CAMK1D: variants seen among roughly 807,000 people sequenced by gnomAD.
CAMK1D encodes the protein calcium/calmodulin-dependent protein kinase type 1D.
Under a neutral mutation model 47.7 loss-of-function variants are expected in CAMK1D, and 9 were observed. The ratio of observed to expected loss-of-function variants is 0.19; its 90% CI spans 0.11 to 0.33. The LOEUF (loss-of-function observed/expected upper bound fraction) is 0.33. CAMK1D is among the 10% of genes least tolerant of loss of function. CAMK1D has a pLI of 1.00. For missense variants in CAMK1D, 291 were observed against 488.7 expected (o/e 0.60, Z 3.81); for synonymous variants, 184 against 184.9 (o/e 0.99, Z 0.04).
intron 1 of CAMK1D, among the ~76,000 whole-genome samples, chr10:12,424,281 T>C (rs1169371769): frequency 6.6e-6 from 1 of 152,068 alleles, no homozygotes; most frequent in African/African-American, 2.4e-5. Flanking sequence ...CCACCAAGTC[T>C]CTAGCTCCGT....
chr10:12,650,600 CAT>C (rs912549287), intron 2 of CAMK1D, among the ~76,000 whole-genome samples: 40 of 152,258 alleles, frequency 2.6e-4, no homozygotes, highest in African/African-American at 8.9e-4. Context: ...CAGGGTCCCT[CAT>C]GTGCAGTGGA....
At chr10:12,771,707 C>T (rs1837047289) in intron 5 of CAMK1D, among the ~76,000 whole-genome samples, 1 of 152,182 alleles carries the variant, frequency 6.6e-6, no homozygotes, top group African/African-American at 2.4e-5. Flanking sequence ...GCAGAAGGCA[C>T]AGAAGAAGAG....
intron 5 of CAMK1D, among the ~76,000 whole-genome samples, chr10:12,770,990 C>T (rs767675907): frequency 2.0e-5 from 3 of 151,934 alleles, no homozygotes; most frequent in Admixed American, 6.6e-5. Flanking sequence ...AGTGCAGTGG[C>T]GCAATCCCGA....
intron 3 of CAMK1D, among the ~76,000 whole-genome samples, chr10:12,735,063 T>A (rs1394382927): frequency 1.3e-5 from 2 of 152,240 alleles, no homozygotes; most frequent in African/African-American, 4.8e-5. Context: ...GTAATAATAA[T>A]GGCTAGCCTT....
intron 4 of CAMK1D, among the ~76,000 whole-genome samples, chr10:12,764,979 C>T (rs1280553629): frequency 6.6e-6 from 1 of 152,156 alleles, no homozygotes; most frequent in African/African-American, 2.4e-5. Flanking sequence ...CCTGTAATCC[C>T]AGCTACTCCG....
At chr10:12,568,101 CTG>C (rs1405726269) in intron 2 of CAMK1D, among the ~76,000 whole-genome samples, 15 of 149,318 alleles carry the variant, frequency 1.0e-4, no homozygotes, top group South Asian at 2.2e-4. Flanking sequence ...GCCTGCCTGT[CTG>C]CTTTCCTGCC....
At chr10:12,441,336 T>A (rs1435628513) in intron 1 of CAMK1D, among the ~76,000 whole-genome samples, 1 of 152,122 alleles carries the variant, frequency 6.6e-6, no homozygotes, top group Non-Finnish European at 1.5e-5. Flanking sequence ...TAGCTGGGAC[T>A]ACAGGCATAT....
At chr10:12,633,134 C>T (rs747703448) in intron 2 of CAMK1D, among the ~76,000 whole-genome samples, 10 of 152,130 alleles carry the variant, frequency 6.6e-5, no homozygotes, top group South Asian at 6.2e-4. Flanking sequence ...CTGAGCGTGG[C>T]GGAGAAGCCA....
chr10:12,395,506 A>G (rs1302997016), intron 1 of CAMK1D, among the ~76,000 whole-genome samples: 2 of 152,114 alleles, frequency 1.3e-5, no homozygotes, highest in Non-Finnish European at 2.9e-5. Flanking sequence ...AGACAAAATA[A>G]ATATTTTTCA....
At chr10:12,699,197 C>T (rs1833414888) in intron 3 of CAMK1D, among the ~76,000 whole-genome samples, 1 of 152,110 alleles carries the variant, frequency 6.6e-6, no homozygotes, top group Non-Finnish European at 1.5e-5. Context: ...AAAACACTTT[C>T]ATAATAGGGA....
intron 6 of CAMK1D, among the ~76,000 whole-genome samples, chr10:12,801,683 A>G (rs962157850): frequency 6.6e-6 from 1 of 151,976 alleles, no homozygotes; most frequent in African/African-American, 2.4e-5. Context: ...ATCTATCTTC[A>G]TTATCATTAT....
At chr10:12,531,726 A>C (rs1285210586) in intron 1 of CAMK1D, among the ~76,000 whole-genome samples, 1 of 152,156 alleles carries the variant, frequency 6.6e-6, no homozygotes, top group Non-Finnish European at 1.5e-5. Flanking sequence ...AAGACTTAAA[A>C]CTGCTGTCCC....
At chr10:12,362,548 A>G (rs890626622) in intron 1 of CAMK1D, among the ~76,000 whole-genome samples, 2 of 152,116 alleles carry the variant, frequency 1.3e-5, no homozygotes, top group African/African-American at 4.8e-5. Context: ...CCCAGGCTGG[A>G]GTGCAGTGGC....
chr10:12,433,167 C>T (rs574318540), intron 1 of CAMK1D, among the ~76,000 whole-genome samples: 38 of 152,314 alleles, frequency 2.5e-4, no homozygotes, highest in Admixed American at 2.4e-3. Context: ...TTATGCTGTT[C>T]TCCTTTTAGA....
chr10:12,465,489 G>A (rs781555408), intron 1 of CAMK1D, among the ~76,000 whole-genome samples: 4 of 152,004 alleles, frequency 2.6e-5, no homozygotes, highest in Non-Finnish European at 5.9e-5. Flanking sequence ...CGAGTAGCTC[G>A]GATTACAGGC....
chr10:12,695,652 C>T (rs1404639760), intron 3 of CAMK1D, among the ~76,000 whole-genome samples: 1 of 152,138 alleles, frequency 6.6e-6, no homozygotes, highest in Admixed American at 6.6e-5. Flanking sequence ...CCTGAGGGTC[C>T]TTTGGGCTGT....
intron 1 of CAMK1D, among the ~76,000 whole-genome samples, chr10:12,406,702 G>C (rs999899095): frequency 1.2e-5 from 1 of 80,248 alleles, no homozygotes; most frequent in Non-Finnish European, 2.4e-5. Context: ...CAGCCTGGGT[G>C]ACAAAATGAG....
intron 3 of CAMK1D, among the ~76,000 whole-genome samples, chr10:12,728,463 C>T (rs901077899): frequency 6.6e-6 from 1 of 152,172 alleles, no homozygotes; most frequent in Non-Finnish European, 1.5e-5. Context: ...CCAAAGTAAC[C>T]CGTTATTGTG....
intron 2 of CAMK1D, among the ~76,000 whole-genome samples, chr10:12,605,086 A>G (rs1447655900): frequency 6.6e-6 from 1 of 151,968 alleles, no homozygotes; most frequent in African/African-American, 2.4e-5. Flanking sequence ...ACGGGGTTTC[A>G]CCATGTTATA....
Sources: gnomAD v4.1 joint callset for allele counts (sites outside exome capture counted in the v4.1 genomes callset) on GRCh38, gnomAD v4.1.1 for gene constraint, MANE v1.5 for transcripts, NCBI Gene and HGNC (gene_info 2026-07-23, HGNC 2026-07-21) for gene names.